The following ZFAT variants were observed in gnomAD, a reference collection of about 807,000 sequenced individuals.
ZFAT encodes zinc finger protein ZFAT.
A neutral mutation model predicts 117.7 loss-of-function variants in ZFAT; 64 were observed. That is an observed-to-expected ratio of 0.54 (90% confidence interval 0.44 to 0.67). ZFAT has a LOEUF of 0.67. Among genes scored for constraint, ZFAT ranks in the 30% least tolerant of loss-of-function variants. The pLI is 0.00. For synonymous variants in ZFAT, 679 were observed against 615.0 expected (o/e 1.10, Z -1.54); for missense variants, 1,433 against 1,584.5 (o/e 0.90, Z 1.62).
the ZFAT span, among the ~76,000 whole-genome samples, chr8:134,771,370 A>G: frequency 2.6e-5 from 4 of 152,316 alleles, no homozygotes; most frequent in East Asian, 7.7e-4. Context: ...CACCTCTTGA[A>G]TGCTTTGCCA....
At chr8:134,479,920 C>T (rs11786372) in intron 15 of ZFAT, among the ~76,000 whole-genome samples, 44,164 of 150,888 alleles carry the variant, frequency 0.29, 6,637 homozygotes, top group Non-Finnish European at 0.34. Context: ...AATAACAGTA[C>T]TGACCTTTTA....
intron 13 of ZFAT, 55 bp from the exon 14 acceptor site, chr8:134,512,656 A>C: frequency 6.3e-7 from 1 of 1,579,144 alleles, no homozygotes; most frequent in South Asian, 1.1e-5. Flanking sequence ...TGTTGCCCAG[A>C]AGTTCCAAGA....
intron 12 of ZFAT, among the ~76,000 whole-genome samples, chr8:134,527,196 C>T (rs759055669): frequency 6.6e-6 from 1 of 152,114 alleles, no homozygotes; most frequent in Non-Finnish European, 1.5e-5. Flanking sequence ...CCTCTAGAGG[C>T]TAGAAAAGGC....
the ZFAT span, among the ~76,000 whole-genome samples, chr8:134,788,458 CTG>C: frequency 5.9e-5 from 9 of 152,068 alleles, no homozygotes; most frequent in African/African-American, 1.2e-4. Context: ...TTTAATTCCA[CTG>C]TGTTAGAGAA....
In ZFAT at chr8:134,544,438, T is replaced by C. The variant is rs1470059867; in HGVS notation, c.2977-11466A>G. On this transcript the variant is annotated intron_variant, in intron 11 of 15. Transcript: ENST00000377838. ...CAACAAAAGAAAAAAACTAAAAATC[T>C]GGTTGAAATTTTTTTTTAAAAAAAT... Among the ~76,000 whole-genome samples, 2 of 104,014 alleles carry C rather than the reference T, an allele frequency of 1.9e-5. 1 individual carries two copies. Among genetic ancestry groups the C allele is most frequent in the African/African-American group, 8.0e-5 (2 of 25,088 alleles). The allele number at this position is 104,014 out of a possible 152,430, so 68.2% of individuals were successfully genotyped here. A position where few individuals can be genotyped will look rare whatever the true frequency, so the allele number is the denominator to read the frequency against.
chr8:134,650,961 C>T (rs1563727210), intron 2 of ZFAT, among the ~76,000 whole-genome samples: 2 of 152,182 alleles, frequency 1.3e-5, no homozygotes, highest in Admixed American at 1.3e-4. Context: ...AAAATGCAAA[C>T]CAAAACCACA....
the ZFAT span, among the ~76,000 whole-genome samples, chr8:134,791,365 G>A: frequency 6.8e-6 from 1 of 147,728 alleles, no homozygotes; most frequent in Non-Finnish European, 1.5e-5. Flanking sequence ...TCCCTGTATA[G>A]TCAGGCCATA....
At position 134,600,344 on chromosome 8, in the gene ZFAT, C is replaced by A. The variant is rs756103330; in HGVS notation, c.2475+92G>T. ...GATCTCTCTATGTTTTCAGGGCTGA[C>A]CTGCAGCAGAGACACCTACATATAA... On this transcript the variant is annotated intron_variant, in intron 7 of 15. Transcript: ENST00000377838. 4.4e-6 allele frequency: 5 copies of A among 1,146,332 alleles called. No homozygotes were observed. The Admixed American group carries it at 6.7e-5, about 15-fold the overall frequency. The allele number at this position is 1,146,332 out of a possible 1,614,324, so 71.0% of individuals were successfully genotyped here. A position where few individuals can be genotyped will look rare whatever the true frequency, so the allele number is the denominator to read the frequency against.
intron 2 of ZFAT, among the ~76,000 whole-genome samples, chr8:134,642,504 T>G (rs142331842): frequency 0.012 from 1,898 of 152,320 alleles, 17 homozygotes; most frequent in Non-Finnish European, 0.018. Flanking sequence ...GTCATTAAGA[T>G]TCTGACTTAG....
chr8:134,667,354 G>C (rs570326347), intron 1 of ZFAT, among the ~76,000 whole-genome samples: 3 of 152,052 alleles, frequency 2.0e-5, no homozygotes, highest in East Asian at 3.9e-4. Context: ...TTAGCCGGGC[G>C]TGGTGGCAGG....
intron 1 of ZFAT, among the ~76,000 whole-genome samples, chr8:134,704,587 T>C (rs1364959672): frequency 1.3e-5 from 2 of 152,236 alleles, no homozygotes; most frequent in African/African-American, 2.4e-5. Flanking sequence ...AAGTGTTCTC[T>C]TGCTTATTCT....
At chr8:134,747,557 C>T in the ZFAT span, among the ~76,000 whole-genome samples, 7 of 152,192 alleles carry the variant, frequency 4.6e-5, no homozygotes, top group Non-Finnish European at 1.0e-4. Context: ...CTAACAATGT[C>T]TCTAACTACT....
chr8:134,831,679 C>G, the ZFAT span, among the ~76,000 whole-genome samples: 1 of 152,154 alleles, frequency 6.6e-6, no homozygotes, highest in Non-Finnish European at 1.5e-5. Context: ...CCCCCCACTT[C>G]ACGAGCCCCG....
intron 11 of ZFAT, among the ~76,000 whole-genome samples, chr8:134,549,245 T>A (rs1361626604): frequency 6.6e-6 from 1 of 151,938 alleles, no homozygotes; most frequent in Non-Finnish European, 1.5e-5. Context: ...ATCGAGACCA[T>A]CCTGGCTAAC....
At chr8:134,779,194 TTC>T in the ZFAT span, among the ~76,000 whole-genome samples, 4 of 152,164 alleles carry the variant, frequency 2.6e-5, no homozygotes, top group Non-Finnish European at 5.9e-5. Flanking sequence ...TTTTTCCTCA[TTC>T]CCCGCAGGAC....
chr8:134,759,236 G>A, the ZFAT span, among the ~76,000 whole-genome samples: 1 of 152,136 alleles, frequency 6.6e-6, no homozygotes, highest in South Asian at 2.1e-4. Context: ...CAACGGACCT[G>A]GGAGGTAAGT....
intron 13 of ZFAT, among the ~76,000 whole-genome samples, chr8:134,520,396 T>C (rs2130464698): frequency 6.6e-6 from 1 of 152,256 alleles, no homozygotes; most frequent in African/African-American, 2.4e-5. Flanking sequence ...TACTGGCTCT[T>C]ATAATAAAGG....
At chr8:134,645,484 TAC>T (rs144089495) in intron 2 of ZFAT, among the ~76,000 whole-genome samples, 5 of 152,000 alleles carry the variant, frequency 3.3e-5, no homozygotes, top group African/African-American at 9.7e-5. Context: ...TAGTTTAGTA[TAC>T]ACACACACAC....
At chr8:134,590,719 TACC>T (rs1411209431) in intron 7 of ZFAT, among the ~76,000 whole-genome samples, 2 of 69,208 alleles carry the variant, frequency 2.9e-5, no homozygotes, top group Admixed American at 1.6e-4. Context: ...CCATCACCAT[TACC>T]ACCACCACCA....
Sources: gnomAD v4.1 joint callset for allele counts (sites outside exome capture counted in the v4.1 genomes callset) on GRCh38, gnomAD v4.1.1 for gene constraint, MANE v1.5 for transcripts, NCBI Gene and HGNC (gene_info 2026-07-23, HGNC 2026-07-21) for gene names.